NFASC: variants seen among roughly 807,000 people sequenced by gnomAD.
NFASC encodes the protein neurofascin.
In NFASC, 43 loss-of-function variants were observed where a neutral mutation model predicts 147.5. That is an observed-to-expected ratio of 0.29 (90% confidence interval 0.23 to 0.38). NFASC has a LOEUF of 0.38. Among genes scored for constraint, NFASC ranks in the 10% least tolerant of loss-of-function variants. The pLI, the probability that NFASC is intolerant of heterozygous loss-of-function variation, is 1.00. For missense variants in NFASC, 1,320 were observed against 1,689.0 expected (o/e 0.78, Z 3.83); for synonymous variants, 622 against 665.5 (o/e 0.93, Z 1.01).
At chr1:204,865,217 C>T (rs1455966613) in intron 1 of NFASC, among the ~76,000 whole-genome samples, 2 of 152,170 alleles carry the variant, frequency 1.3e-5, no homozygotes, top group Non-Finnish European at 2.9e-5. Context: ...TTTTCTTATG[C>T]ATACATAGCT....
At chr1:204,905,426 G>GT (rs1379727378) in intron 1 of NFASC, among the ~76,000 whole-genome samples, 1 of 151,648 alleles carries the variant, frequency 6.6e-6, no homozygotes, top group Non-Finnish European at 1.5e-5. Flanking sequence ...TCTCGTTGTG[G>GT]TTTTGATTTG....
rs201357191 is a variant in NFASC, at chr1:204,846,957, G to GTGTGTC, written c.-200+18180_-200+18181insCTGTGT. Among the ~76,000 whole-genome samples the GTGTGTC allele has an allele frequency of 4.0e-4, 60 of 151,218 alleles. No homozygotes were observed. The East Asian group carries it at 4.3e-3, about 11-fold the overall frequency. On this transcript the variant is annotated intron_variant, in intron 1 of 29. Coordinates refer to ENST00000339876, the MANE Select transcript of NFASC (RefSeq NM_001005388.3). ...GCTGCCTGTGTGTGTGTACGCGTGTGTGTGTGTGTGTGTGTGTGTGTGGTG... is the reference window on the plus strand; with the variant it reads ...GCTGCCTGTGTGTGTGTACGCGTGTGTGTGTCTGTGTGTGTGTGTGTGTGTGTGGTG...
intron 1 of NFASC, among the ~76,000 whole-genome samples, chr1:204,895,783 T>C (rs926214724): frequency 1.3e-5 from 2 of 152,216 alleles, no homozygotes; most frequent in African/African-American, 4.8e-5. Context: ...TACTCACAAA[T>C]ATCCTCATTT....
At chr1:204,971,310 C>G (rs1239995866) in intron 11 of NFASC, among the ~76,000 whole-genome samples, 1 of 152,030 alleles carries the variant, frequency 6.6e-6, no homozygotes. Context: ...TTAGTCCTGC[C>G]CAGGTGGATG....
At chr1:204,955,393 T>A (rs1420838978) in intron 7 of NFASC, among the ~76,000 whole-genome samples, 1 of 152,220 alleles carries the variant, frequency 6.6e-6, no homozygotes, top group Non-Finnish European at 1.5e-5. Context: ...GTTTTTCCAA[T>A]TGGCCAATTG....
chr1:204,890,457 A>G (rs756730298), intron 1 of NFASC, among the ~76,000 whole-genome samples: 2 of 152,196 alleles, frequency 1.3e-5, no homozygotes, highest in Non-Finnish European at 2.9e-5. Context: ...TTTCTCTTGA[A>G]CTTGGTATGA....
chr1:204,954,233 C>T lies in NFASC; in HGVS notation c.261C>T (p.Asp87=), dbSNP rs1225231653. ...GCAGATTCTTCAACATCGCCAAGGA[C>T]CCCCGGGTGTCCATGAGGAGGAGGT... ...RNSRFFNIAK[D]PRVSMRRRSG... Residue 87 remains aspartate (D), a synonymous_variant, in exon 6 of 30, where the codon GAC becomes GAT. Coordinates refer to ENST00000339876, the MANE Select transcript of NFASC (RefSeq NM_001005388.3). The surrounding 1 kb of genome is among the most constrained non-coding windows in gnomAD (Gnocchi z 5.7). 3.1e-6 allele frequency: 5 copies of T among 1,614,168 alleles called. No individual in the cohort carries two copies. Among genetic ancestry groups the T allele is most frequent in the South Asian group, 1.1e-5 (1 of 91,076 alleles).
At chr1:204,976,321 A>G (rs1049509160) in intron 15 of NFASC, among the ~76,000 whole-genome samples, 6 of 152,202 alleles carry the variant, frequency 3.9e-5, no homozygotes, top group African/African-American at 1.4e-4. Context: ...AGGAGAAGGA[A>G]TACCAACCTA....
At chr1:204,969,776 G>T (rs1024190125) in intron 10 of NFASC, among the ~76,000 whole-genome samples, 1 of 152,124 alleles carries the variant, frequency 6.6e-6, no homozygotes, top group Non-Finnish European at 1.5e-5. Context: ...TGAACAAGGT[G>T]GCCAGCTGAG....
chr1:204,890,911 T>C lies in NFASC; in HGVS notation c.-199-29721T>C, dbSNP rs367938629. Among the ~76,000 whole-genome samples, 117 of 152,286 alleles carry C rather than the reference T, an allele frequency of 7.7e-4. 1 individual carries two copies. The highest frequency in any genetic ancestry group is 5.0e-3 in the South Asian group (24 of 4,824). ...AAGAAGTGGGTGGTAGAGGGAGTGA[T>C]AGTGGCATGCATCCCCTGATGCTCA... On this transcript the variant is annotated intron_variant, in intron 1 of 29. Transcript: ENST00000339876.
At chr1:205,013,422 CT>C (rs1293468798) in intron 29 of NFASC, among the ~76,000 whole-genome samples, 2 of 152,200 alleles carry the variant, frequency 1.3e-5, no homozygotes, top group African/African-American at 4.8e-5. Context: ...GGAAAGGCTT[CT>C]GGTCCAGTGC....
chr1:204,842,990 G>C (rs869841), intron 1 of NFASC, among the ~76,000 whole-genome samples: 32,895 of 152,176 alleles, frequency 0.22, 5,386 homozygotes, highest in East Asian at 0.53. Context: ...GAGTGGGTCA[G>C]GGCTGGGTCA....
chr1:204,924,358 C>T (rs2091113654), intron 2 of NFASC, among the ~76,000 whole-genome samples: 1 of 152,202 alleles, frequency 6.6e-6, no homozygotes, highest in Admixed American at 6.5e-5. Flanking sequence ...TCTCTATGCT[C>T]CCGCTTATCA....
chr1:204,861,207 A>G (rs899006174), intron 1 of NFASC, among the ~76,000 whole-genome samples: 6 of 148,222 alleles, frequency 4.0e-5, no homozygotes, highest in African/African-American at 1.0e-4. Context: ...TCCCACCTCA[A>G]CCTCCTGAGT....
chr1:204,965,858 G>T (rs2094921588), intron 8 of NFASC, among the ~76,000 whole-genome samples: 1 of 152,220 alleles, frequency 6.6e-6, no homozygotes, highest in African/African-American at 2.4e-5. Flanking sequence ...GGTGCTAAAT[G>T]GCACAGAATC....
At chr1:204,947,670 T>C (rs1186003455) in intron 3 of NFASC, among the ~76,000 whole-genome samples, 1 of 128,064 alleles carries the variant, frequency 7.8e-6, no homozygotes, top group Non-Finnish European at 1.6e-5. Flanking sequence ...CAGTATGACC[T>C]TTGAAAAAAG....
intron 1 of NFASC, among the ~76,000 whole-genome samples, chr1:204,866,319 G>C (rs1203334395): frequency 2.0e-5 from 3 of 152,324 alleles, no homozygotes; most frequent in African/African-American, 7.2e-5. Context: ...GGATGCTAAA[G>C]GAAAAATGGT....
chr1:205,002,108 C>T (rs2096001323), intron 26 of NFASC, among the ~76,000 whole-genome samples: 1 of 152,202 alleles, frequency 6.6e-6, no homozygotes, highest in South Asian at 2.1e-4. Context: ...CACAGGCACA[C>T]ACTTTTTCTG....
chr1:204,984,378 TAC>T (rs1553306557), intron 21 of NFASC: 2 of 114,144 alleles, frequency 1.8e-5, no homozygotes, highest in African/African-American at 3.9e-5. Flanking sequence ...TGTATATATA[TAC>T]GCATATATAT....
Sources: gnomAD v4.1 joint callset for allele counts (sites outside exome capture counted in the v4.1 genomes callset) on GRCh38, gnomAD v4.1.1 for gene constraint, Gnocchi (gnomAD v3.1) non-coding constraint, MANE v1.5 for transcripts, NCBI Gene and HGNC (gene_info 2026-07-23, HGNC 2026-07-21) for gene names.